CSMD1: variants seen among roughly 807,000 people sequenced by gnomAD.
The protein encoded by CSMD1 is CUB and sushi domain-containing protein 1.
CSMD1 carries 213 observed loss-of-function variants against 417.5 expected under a neutral mutation model. The observed-to-expected ratio is 0.51, with a 90% CI of 0.46 to 0.57. CSMD1 has a LOEUF of 0.57. CSMD1 is among the 20% of genes least tolerant of loss of function. The pLI is 0.00. For missense variants in CSMD1, 6,923 were observed against 4,529.7 expected (o/e 1.53, Z -15.17); for synonymous variants, 2,862 against 1,736.8 (o/e 1.65, Z -16.11).
intron 7 of CSMD1, among the ~76,000 whole-genome samples, chr8:3,659,815 G>A (rs540283583): frequency 2.0e-5 from 3 of 152,066 alleles, no homozygotes; most frequent in African/African-American, 4.8e-5. Context: ...AAAACCATTC[G>A]GCATAAAATG....
chr8:3,006,965 C>G (rs1485580263), intron 52 of CSMD1, among the ~76,000 whole-genome samples: 2 of 141,804 alleles, frequency 1.4e-5, no homozygotes, highest in East Asian at 3.9e-4. Context: ...GCAAAAGAAA[C>G]TACCATCAGA....
chr8:3,687,642 A>G (rs1013940093), intron 7 of CSMD1, among the ~76,000 whole-genome samples: 1 of 152,092 alleles, frequency 6.6e-6, no homozygotes, highest in Non-Finnish European at 1.5e-5. Context: ...GCCCTTGTTC[A>G]TTTGTGCTGA....
chr8:3,104,693 ACT>A (rs1491273572), intron 46 of CSMD1, among the ~76,000 whole-genome samples: 2 of 130,160 alleles, frequency 1.5e-5, no homozygotes, highest in African/African-American at 5.6e-5. Flanking sequence ...AAGTTATCAG[ACT>A]TTTTTTTTTC....
intron 3 of CSMD1, among the ~76,000 whole-genome samples, chr8:4,130,213 A>C (rs141433130): frequency 2.2e-4 from 34 of 152,178 alleles, no homozygotes; most frequent in African/African-American, 7.5e-4. Flanking sequence ...AGGGTCCCTC[A>C]CTTTCTTCTT....
chr8:3,783,039 G>C (rs58025167), intron 5 of CSMD1, among the ~76,000 whole-genome samples: 2,475 of 152,230 alleles, frequency 0.016, 53 homozygotes, highest in African/African-American at 0.057. Flanking sequence ...TTCATCTTCT[G>C]TACTGACACT....
chr8:3,276,689 C>G (rs769446261), intron 26 of CSMD1, among the ~76,000 whole-genome samples: 12 of 152,068 alleles, frequency 7.9e-5, no homozygotes, highest in Non-Finnish European at 1.6e-4. Flanking sequence ...TTATTAAAGG[C>G]TTTACTATGA....
Position 3,320,439 on chromosome 8 carries a change from C to A in CSMD1, c.3632-11936G>T, listed in dbSNP as rs140624790. Among the ~76,000 whole-genome samples the A allele has an allele frequency of 7.2e-5, 11 of 152,232 alleles. No homozygotes were observed. The East Asian group carries it at 2.1e-3, about 29-fold the overall frequency. On this transcript the variant is annotated intron_variant, in intron 23 of 69. Coordinates refer to ENST00000635120, the MANE Select transcript of CSMD1 (RefSeq NM_033225.6). The stretch of plus-strand genomic sequence containing the variant: ...ATTTATGAAAACACGATAAGCTCCT[C>A]GTACAAGTAAAATCCATGTAAATAT...
At chr8:4,549,269 G>A (rs907203029) in intron 2 of CSMD1, among the ~76,000 whole-genome samples, 3 of 151,980 alleles carry the variant, frequency 2.0e-5, no homozygotes, top group East Asian at 1.9e-4. Context: ...AAATTATAAC[G>A]GAAGACCAAA....
rs553371087 is a variant in CSMD1 at position 4,904,315 on chromosome 8, C to A, written c.85+90017G>T. ...GTAAATGTATTTCCCATTAAAAAAT[C>A]AATAATTTATTACATCTATGAGTAT... On this transcript the variant is annotated intron_variant, in intron 1 of 69. Transcript: ENST00000635120. 4.6e-5 allele frequency among the ~76,000 whole-genome samples: 7 copies of A among 152,234 alleles called. No homozygotes were observed. The East Asian group carries it at 1.4e-3, about 29-fold the overall frequency.
intron 3 of CSMD1, among the ~76,000 whole-genome samples, chr8:4,115,686 G>C (rs1366448796): frequency 6.6e-6 from 1 of 152,092 alleles, no homozygotes; most frequent in Non-Finnish European, 1.5e-5. Flanking sequence ...AGCGACCAAG[G>C]TGCCCTGTAA....
chr8:4,551,554 C>T (rs1280514058), intron 2 of CSMD1, among the ~76,000 whole-genome samples: 1 of 152,188 alleles, frequency 6.6e-6, no homozygotes, highest in Non-Finnish European at 1.5e-5. Flanking sequence ...CTGGCTGACT[C>T]TCTGCAGGTT....
intron 3 of CSMD1, among the ~76,000 whole-genome samples, chr8:4,053,325 T>C (rs772090993): frequency 2.0e-5 from 3 of 152,184 alleles, no homozygotes; most frequent in Admixed American, 6.5e-5. Context: ...ATAATAAAAA[T>C]CAGACTGACC....
intron 2 of CSMD1, among the ~76,000 whole-genome samples, chr8:4,625,875 C>G (rs554213950): frequency 3.9e-5 from 6 of 152,128 alleles, no homozygotes; most frequent in South Asian, 4.2e-4. Context: ...AGGTACACAC[C>G]CCCACGCCTG....
chr8:3,195,056 G>T (rs1196247286), intron 33 of CSMD1, among the ~76,000 whole-genome samples: 3 of 152,234 alleles, frequency 2.0e-5, no homozygotes. Flanking sequence ...TACTCATTTT[G>T]GTGTGACTGT....
At chr8:2,974,670 C>T in intron 55 of CSMD1, 46 bp from the exon 56 acceptor site, 13 of 1,438,580 alleles carry the variant, frequency 9.0e-6, no homozygotes, top group Non-Finnish European at 1.1e-5. Flanking sequence ...TCCAGTTAAA[C>T]CACTTTGTAT....
chr8:3,960,374 A>C (rs970344606), intron 5 of CSMD1, among the ~76,000 whole-genome samples: 3 of 152,154 alleles, frequency 2.0e-5, no homozygotes, highest in African/African-American at 7.2e-5. Context: ...TACTACTTAA[A>C]AGCATGGCGT....
At chr8:4,070,603 C>T (rs1007732256) in intron 3 of CSMD1, among the ~76,000 whole-genome samples, 4 of 152,118 alleles carry the variant, frequency 2.6e-5, no homozygotes, top group African/African-American at 4.8e-5. Context: ...GTGATCCACC[C>T]ACCTCGGCCT....
rs369943358 is a variant in CSMD1 at position 3,091,528 on chromosome 8, T to C, written c.7273A>G (p.Ile2425Val). 3 of 1,603,342 alleles carry C rather than the reference T, an allele frequency of 1.9e-6. No individual in the cohort carries two copies. The highest frequency in any genetic ancestry group is 2.3e-5 in the East Asian group (1 of 44,400). Residue 2425 changes from isoleucine to valine, a missense_variant, in exon 48 of 70, where the codon ATT becomes GTT. Ile to Val is a conservative substitution (Grantham distance 29). Coordinates refer to ENST00000635120, the MANE Select transcript of CSMD1 (RefSeq NM_033225.6). ...DHATSKKGFK[I>V]RYAAPYCSLT... ...CTCATTTACTTACCTGCATAGCGAA[T>C]CTTGAATCCTTTCTTACTGGTGGCA...
At chr8:4,719,597 G>C (rs1443824456) in intron 1 of CSMD1, among the ~76,000 whole-genome samples, 1 of 139,404 alleles carries the variant, frequency 7.2e-6, no homozygotes, top group Non-Finnish European at 1.5e-5. Context: ...ATAGAACTTT[G>C]GGATGGTAAG....
Sources: allele counts gnomAD v4.1 joint callset (sites outside exome capture counted in the v4.1 genomes callset), GRCh38; gene constraint gnomAD v4.1.1; transcripts MANE v1.5; gene names NCBI Gene and HGNC (gene_info 2026-07-23, HGNC 2026-07-21).